Variants in TBK1 observed in about 807,000 individuals in gnomAD.
TBK1 encodes the protein TANK binding kinase 1.
TBK1 carries 37 observed loss-of-function variants against 99.9 expected under a neutral mutation model. That is an observed-to-expected ratio of 0.37 (90% confidence interval 0.28 to 0.49). TBK1 has a LOEUF of 0.49. Among genes scored for constraint, TBK1 ranks in the 20% least tolerant of loss-of-function variants. TBK1 has a pLI of 0.98. For synonymous variants in TBK1, 258 were observed against 279.8 expected, an observed-to-expected ratio of 0.92 and a Z score of 0.78; for missense variants, 644 against 872.5, an observed-to-expected ratio of 0.74 and a Z score of 3.30.
At chr12:64,494,593 A>C (rs2040906706) in intron 13 of TBK1, among the ~76,000 whole-genome samples, 1 of 152,236 alleles carries the variant, frequency 6.6e-6, no homozygotes, top group African/African-American at 2.4e-5. Context: ...CAAATTGATA[A>C]GGAAAATAGT....
At chr12:64,453,859 T>C (rs968083589) in intron 1 of TBK1, among the ~76,000 whole-genome samples, 3 of 152,232 alleles carry the variant, frequency 2.0e-5, no homozygotes, top group Admixed American at 6.5e-5. Context: ...TAATACAGGC[T>C]ACTTGGTACG....
intron 20 of TBK1, among the ~76,000 whole-genome samples, chr12:64,498,955 CAA>C (rs200634833): frequency 9.6e-6 from 1 of 104,584 alleles, no homozygotes; most frequent in African/African-American, 4.0e-5. Flanking sequence ...GACCCTGTTT[CAA>C]AAAAAAAAAA....
intron 2 of TBK1, among the ~76,000 whole-genome samples, chr12:64,458,996 T>C (rs2040519471): frequency 6.6e-6 from 1 of 152,152 alleles, no homozygotes; most frequent in Admixed American, 6.5e-5. Context: ...TCACATAGGA[T>C]TATGAAGCAG....
chr12:64,489,017 C>G (rs904335738), intron 12 of TBK1, among the ~76,000 whole-genome samples: 1 of 152,010 alleles, frequency 6.6e-6, no homozygotes, highest in Non-Finnish European at 1.5e-5. Context: ...TAAAGATCAG[C>G]CTTAGATTAG....
intron 3 of TBK1, among the ~76,000 whole-genome samples, chr12:64,462,915 A>G (rs1042480822): frequency 3.3e-5 from 5 of 152,226 alleles, no homozygotes; most frequent in African/African-American, 9.6e-5. Context: ...TCAGATGCAA[A>G]TGAGCAGACT....
chr12:64,471,444 C>T (rs375216655), intron 5 of TBK1, among the ~76,000 whole-genome samples: 2 of 152,102 alleles, frequency 1.3e-5, no homozygotes, highest in South Asian at 2.1e-4. Flanking sequence ...CCTCCACCTC[C>T]TGGATTCAAG....
chr12:64,460,853 A>G (rs2040541936), intron 3 of TBK1, among the ~76,000 whole-genome samples: 2 of 150,582 alleles, frequency 1.3e-5, no homozygotes, highest in Admixed American at 6.6e-5. Context: ...AAAAAAAAAG[A>G]AAGGATCATT....
At chr12:64,456,034 GT>G in intron 2 of TBK1, 77 bp downstream of exon 2, 1 of 1,008,880 alleles carries the variant, frequency 9.9e-7, no homozygotes, top group Non-Finnish European at 1.5e-6. Context: ...ACACTAAAGT[GT>G]GTGACTTGGT....
intron 20 of TBK1, among the ~76,000 whole-genome samples, chr12:64,499,728 T>C (rs2040968248): frequency 7.5e-6 from 1 of 133,856 alleles, no homozygotes; most frequent in South Asian, 2.5e-4. Context: ...AGATGGAGTC[T>C]CGCTTTGTCG....
At chr12:64,488,665 T>G in intron 12 of TBK1, 77 bp downstream of exon 12, 1 of 1,052,562 alleles carries the variant, frequency 9.5e-7, no homozygotes, top group Non-Finnish European at 1.4e-6. Flanking sequence ...TTAGTTATCC[T>G]TGGCACAATA....
intron 1 of TBK1, among the ~76,000 whole-genome samples, chr12:64,454,295 G>A (rs1417160357): frequency 6.6e-6 from 1 of 152,182 alleles, no homozygotes; most frequent in Non-Finnish European, 1.5e-5. Context: ...CACCCTGGCT[G>A]GAGTGCAGTG....
chr12:64,476,161 T>TC (rs1217362863), intron 6 of TBK1, among the ~76,000 whole-genome samples: 1 of 135,826 alleles, frequency 7.4e-6, no homozygotes, highest in Non-Finnish European at 1.6e-5. Flanking sequence ...TTTTTTTTTT[T>TC]TTTTTTTTTT....
At chr12:64,462,828 C>T (rs1001666711) in intron 3 of TBK1, among the ~76,000 whole-genome samples, 14 of 151,940 alleles carry the variant, frequency 9.2e-5, no homozygotes, top group Admixed American at 2.0e-4. Context: ...TCTTTTTCCC[C>T]GTAATGCTGT....
At chr12:64,485,719 C>G (rs999387720) in intron 10 of TBK1, 2 of 442,946 alleles carry the variant, frequency 4.5e-6, no homozygotes, top group East Asian at 3.5e-5. Flanking sequence ...AGAAAATTCT[C>G]TCCATTGAGA....
intron 19 of TBK1, 93 bp downstream of exon 19, chr12:64,497,847 T>A: frequency 2.2e-6 from 3 of 1,389,828 alleles, no homozygotes; most frequent in Non-Finnish European, 3.0e-6. Flanking sequence ...TTTTTATGTT[T>A]GTTGTAATAC....
At chr12:64,501,278 A>G in intron 20 of TBK1, 52 bp from the exon 21 acceptor site, 1 of 1,576,536 alleles carries the variant, frequency 6.3e-7, no homozygotes, top group South Asian at 1.1e-5. Context: ...GGGCCTTTAT[A>G]CATAAATGCA....
Position 64,501,633 on chromosome 12 carries a change from T to C in TBK1, c.*252T>C, listed in dbSNP as rs992968929. 7.3e-6 allele frequency: 3 copies of C among 411,710 alleles called. No homozygotes were observed. The highest frequency in any genetic ancestry group is 1.3e-5 in the Non-Finnish European group (3 of 231,782). The allele number at this position is 411,710 out of a possible 1,614,324, so 25.5% of individuals were successfully genotyped here. A position where few individuals can be genotyped will look rare whatever the true frequency, so the allele number is the denominator to read the frequency against. Reference sequence around the variant, plus strand: ...CTCAGTGATCACGAGAAGAAAGCCATGACCGACCAATATGTTGACATACTG... The same window carrying C: ...CTCAGTGATCACGAGAAGAAAGCCACGACCGACCAATATGTTGACATACTG... On this transcript the variant is annotated 3_prime_UTR_variant, in exon 21 of 21. Transcript: ENST00000331710.
intron 19 of TBK1, 65 bp from the exon 20 acceptor site, chr12:64,497,903 C>T: frequency 6.7e-7 from 1 of 1,492,230 alleles, no homozygotes; most frequent in East Asian, 2.3e-5. Flanking sequence ...GAAAATAAAA[C>T]ATAAACATCA....
At chr12:64,488,956 C>T (rs1379636866) in intron 12 of TBK1, among the ~76,000 whole-genome samples, 1 of 152,212 alleles carries the variant, frequency 6.6e-6, no homozygotes, top group African/African-American at 2.4e-5. Context: ...CATGCCACTG[C>T]ACTCCAGCCT....
Sources: gnomAD v4.1 joint callset for allele counts (sites outside exome capture counted in the v4.1 genomes callset) on GRCh38, gnomAD v4.1.1 for gene constraint, MANE v1.5 for transcripts, NCBI Gene and HGNC (gene_info 2026-07-23, HGNC 2026-07-21) for gene names.